The following UBXN2B variants were observed in gnomAD, a reference collection of about 807,000 sequenced individuals.
UBXN2B encodes UBX domain protein 2B, also known as UBX domain-containing protein 2B.
UBXN2B carries 19 observed loss-of-function variants against 37.5 expected under a neutral mutation model. That is an observed-to-expected ratio of 0.51 (90% confidence interval 0.35 to 0.74). UBXN2B has a LOEUF of 0.74. Among genes scored for constraint, UBXN2B ranks in the 30% least tolerant of loss-of-function variants. The probability of loss-of-function intolerance (pLI) is 0.01; values close to 1 mark genes in which losing one functional copy is unlikely to be tolerated. For synonymous variants in UBXN2B, 145 were observed against 143.8 expected, an observed-to-expected ratio of 1.01 and a Z score of -0.06; for missense variants, 370 against 393.2, an observed-to-expected ratio of 0.94 and a Z score of 0.50.
rs1346870802 is a variant in UBXN2B, at chr8:58,448,066, T to A, written c.*515T>A. 2.0e-5 allele frequency: 3 copies of A among 152,280 alleles called. No individual in the cohort carries two copies. Among genetic ancestry groups the A allele is most frequent in the African/African-American group, 7.2e-5 (3 of 41,466 alleles). 9.4% of individuals were successfully genotyped at this position (152,280 alleles called of 1,614,324 possible). A position where few individuals can be genotyped will look rare whatever the true frequency, so the allele number is the denominator to read the frequency against. ...TAAGATTTTACACATCCTTTTTACT[T>A]ACTGATTTAGATATATTACTAGTAT... On this transcript the variant is annotated 3_prime_UTR_variant, in exon 8 of 8. Transcript: ENST00000399598.
chr8:58,424,515 G>T, intron 2 of UBXN2B: 2 of 737,362 alleles, frequency 2.7e-6, no homozygotes. Flanking sequence ...AAACTTTCTT[G>T]CGAAAGTTTG....
At position 58,419,144 on chromosome 8, in the gene UBXN2B, A is replaced by G. The variant is rs954257711; in HGVS notation, c.188+2191A>G. ...CAAAAGAACTGAGTTTCCTTAAAAT[A>G]TATAGGTTGAGACGTAAACTGTGTT... On this transcript the variant is annotated intron_variant, in intron 2 of 7. Coordinates refer to ENST00000399598, the MANE Select transcript of UBXN2B (RefSeq NM_001077619.2). 2.6e-5 allele frequency among the ~76,000 whole-genome samples: 4 copies of G among 152,210 alleles called. 1 individual carries two copies. Among genetic ancestry groups the G allele is most frequent in the Non-Finnish European group, 5.9e-5 (4 of 68,030 alleles).
At chr8:58,413,168 G>C (rs917365707) in intron 1 of UBXN2B, 4 of 152,110 alleles carry the variant, frequency 2.6e-5, no homozygotes, top group South Asian at 4.2e-4. Context: ...CCTAAGTTAT[G>C]ATGGGGATTT....
chr8:58,421,951 C>T (rs1311387202), intron 2 of UBXN2B, among the ~76,000 whole-genome samples: 1 of 152,198 alleles, frequency 6.6e-6, no homozygotes. Flanking sequence ...TCTTAAGCAA[C>T]GGGCAGAGAT....
intron 1 of UBXN2B, among the ~76,000 whole-genome samples, chr8:58,415,271 A>G (rs1173500416): frequency 6.6e-6 from 1 of 152,132 alleles, no homozygotes; most frequent in African/African-American, 2.4e-5. Flanking sequence ...TGACATTTTC[A>G]TTGATGAGAA....
chr8:58,435,195 A>G (rs1808381038), intron 5 of UBXN2B: 2 of 1,246,384 alleles, frequency 1.6e-6, no homozygotes, highest in South Asian at 3.2e-5. Flanking sequence ...GGAAAGGATC[A>G]GAGTTTTACT....
intron 3 of UBXN2B, 146 bp downstream of exon 3, chr8:58,430,815 TTAA>T (rs1808252325): frequency 1.5e-6 from 1 of 682,952 alleles, no homozygotes; most frequent in African/African-American, 1.9e-5. Flanking sequence ...AATATTTCTA[TTAA>T]TGATTGAAAG....
intron 1 of UBXN2B, 132 bp from the exon 2 acceptor site, chr8:58,416,718 C>A: frequency 1.6e-6 from 1 of 620,028 alleles, no homozygotes; most frequent in South Asian, 3.9e-5. Context: ...AAGGAATCAT[C>A]TGAAGCAGCA....
intron 2 of UBXN2B, among the ~76,000 whole-genome samples, chr8:58,422,011 A>G (rs1297333956): frequency 7.9e-5 from 12 of 152,244 alleles, no homozygotes; most frequent in Admixed American, 7.9e-4. Context: ...GTGCTGGTGA[A>G]AGACTTTACC....
At chr8:58,425,474 G>A (rs1808057974) in intron 2 of UBXN2B, 1 of 1,118,658 alleles carries the variant, frequency 8.9e-7, no homozygotes, top group Non-Finnish European at 1.4e-6. Flanking sequence ...TCTGAAACAG[G>A]CTCGTTGGGA....
Position 58,447,485 on chromosome 8 carries a change from A to T in UBXN2B, c.930A>T (p.Thr310=), listed in dbSNP as rs1376774763. The T allele has an allele frequency of 6.2e-7, 1 of 1,613,584 alleles. No individual in the cohort carries two copies. Among genetic ancestry groups the T allele is most frequent in the South Asian group, 1.1e-5 (1 of 91,008 alleles). ...CTTCATTTCCGAATAAAGAGCTAAC[A>T]GATGAAAGCCTGACACTGCTAGAAG... is the stretch of plus-strand genomic sequence containing the variant. The part of the protein sequence containing the change: ...LVTSFPNKEL[T]DESLTLLEAD... Residue 310 remains threonine (T), a synonymous_variant, in exon 8 of 8, where the codon ACA becomes ACT. Coordinates refer to ENST00000399598, the MANE Select transcript of UBXN2B (RefSeq NM_001077619.2).
chr8:58,425,875 C>G, intron 2 of UBXN2B: 1 of 1,163,034 alleles, frequency 8.6e-7, no homozygotes, highest in Non-Finnish European at 1.3e-6. Flanking sequence ...CCACTTTAGA[C>G]TTGCCGTTAT....
At position 58,448,012 on chromosome 8, in the gene UBXN2B, T is replaced by C. The variant is rs183756736; in HGVS notation, c.*461T>C. On this transcript the variant is annotated 3_prime_UTR_variant, in exon 8 of 8. Transcript: ENST00000399598. ...AACGTGTCTTTTGATTTTGAAATTG[T>C]TTGATCATACAATAATTATTTCTCC... is the stretch of plus-strand genomic sequence containing the variant. 3.3e-3 allele frequency: 510 copies of C among 152,580 alleles called. 3 individuals carry two copies. Among genetic ancestry groups the C allele is most frequent in the African/African-American group, 0.012 (488 of 41,584 alleles). 9.5% of individuals were successfully genotyped at this position (152,580 alleles called of 1,614,324 possible).
chr8:58,442,130 C>A (rs1282546291), intron 6 of UBXN2B, among the ~76,000 whole-genome samples: 1 of 152,126 alleles, frequency 6.6e-6, no homozygotes, highest in Admixed American at 6.5e-5. Flanking sequence ...TGCTTACTTC[C>A]ACCAAACAAG....
intron 2 of UBXN2B, chr8:58,424,752 A>T: frequency 7.0e-7 from 1 of 1,420,936 alleles, no homozygotes; most frequent in Non-Finnish European, 9.9e-7. Context: ...TTGTATATTC[A>T]TGACCTTTCC....
At chr8:58,424,885 A>G (rs1399605626) in intron 2 of UBXN2B, 1 of 1,069,992 alleles carries the variant, frequency 9.3e-7, no homozygotes, top group South Asian at 1.2e-5. Context: ...AGACTGCACC[A>G]TCTGGATAGT....
Position 58,417,007 on chromosome 8 carries a change from T to G in UBXN2B, c.188+54T>G, listed in dbSNP as rs1422860294. 8.5e-6 allele frequency: 12 copies of G among 1,412,918 alleles called. No homozygotes were observed. In the East Asian group the frequency reaches 2.8e-4, roughly 33 times the overall value. 87.5% of individuals were successfully genotyped at this position (1,412,918 alleles called of 1,614,324 possible). A position where few individuals can be genotyped will look rare whatever the true frequency, so the allele number is the denominator to read the frequency against. ...AGAAATTATAATCCTTTCTAAAAAT[T>G]TACTAACTTCAAATTATTTTAAATG... is the stretch of plus-strand genomic sequence containing the variant. On this transcript the variant is annotated intron_variant, in intron 2 of 7. Coordinates refer to ENST00000399598, the MANE Select transcript of UBXN2B (RefSeq NM_001077619.2).
chr8:58,411,471 T>A lies in UBXN2B; in HGVS notation c.84+2T>A. ...CCTCCGAGCGCGCGGGATTTGCAGG[T>A]GAGGCGAGGAGCCGGGGGAGGGAGC... On this transcript the variant is annotated splice_donor_variant, in intron 1 of 7. Coordinates refer to ENST00000399598, the MANE Select transcript of UBXN2B (RefSeq NM_001077619.2). LOFTEE classifies it high-confidence loss of function. The A allele has an allele frequency of 8.0e-7, 1 of 1,252,274 alleles. No homozygotes were observed. Among genetic ancestry groups the A allele is most frequent in the Non-Finnish European group, 1.0e-6 (1 of 993,518 alleles). 77.6% of individuals were successfully genotyped at this position (1,252,274 alleles called of 1,614,324 possible).
chr8:58,418,200 G>A (rs182107656), intron 2 of UBXN2B, among the ~76,000 whole-genome samples: 96 of 137,970 alleles, frequency 7.0e-4, no homozygotes, highest in African/African-American at 2.3e-3. Flanking sequence ...GAGATGGCGC[G>A]ACTGCACTCC....
Sources: allele counts gnomAD v4.1 joint callset (sites outside exome capture counted in the v4.1 genomes callset), GRCh38; gene constraint gnomAD v4.1.1; transcripts MANE v1.5; gene names NCBI Gene and HGNC (gene_info 2026-07-23, HGNC 2026-07-21).